ADGRL4: variants seen among roughly 807,000 people sequenced by gnomAD.
ADGRL4 encodes the protein EGF, latrophilin and seven transmembrane domain containing 1.
A neutral mutation model predicts 74.8 loss-of-function variants in ADGRL4; 90 were observed. The ratio of observed to expected loss-of-function variants is 1.20; its 90% CI spans 1.02 to 1.43. ADGRL4 has a LOEUF of 1.43. ADGRL4 is among the 40% of genes most tolerant of loss of function. The pLI is 0.00. For synonymous variants in ADGRL4, 311 were observed against 279.2 expected, an observed-to-expected ratio of 1.11 and a Z score of -1.14; for missense variants, 881 against 814.3, an observed-to-expected ratio of 1.08 and a Z score of -1.00.
chr1:78,975,316 T>C, intron 2 of ADGRL4, among the ~76,000 whole-genome samples: 1 of 152,072 alleles, frequency 6.6e-6, no homozygotes, highest in Non-Finnish European at 1.5e-5. Context: ...AATAATATTA[T>C]AATTAGAATA....
At chr1:78,959,028 G>C (rs1649889623) in intron 2 of ADGRL4, among the ~76,000 whole-genome samples, 1 of 152,134 alleles carries the variant, frequency 6.6e-6, no homozygotes, top group South Asian at 2.1e-4. Flanking sequence ...CAGCAACAAA[G>C]TATTTTAAAT....
chr1:78,975,355 TA>T, intron 2 of ADGRL4, among the ~76,000 whole-genome samples: 1 of 152,112 alleles, frequency 6.6e-6, no homozygotes, highest in East Asian at 1.9e-4. Flanking sequence ...ATCCTATATT[TA>T]AAAAACAAAT....
chr1:78,966,229 G>T (rs572906903), intron 2 of ADGRL4, among the ~76,000 whole-genome samples: 5 of 152,148 alleles, frequency 3.3e-5, no homozygotes, highest in Admixed American at 2.6e-4. Flanking sequence ...TCCTGTTCTG[G>T]GGTGTGGTAC....
chr1:79,004,646 A>G (rs757829533), intron 2 of ADGRL4, among the ~76,000 whole-genome samples: 1 of 152,122 alleles, frequency 6.6e-6, no homozygotes, highest in Non-Finnish European at 1.5e-5. Flanking sequence ...CTCCAAATAT[A>G]GGCGGTCAAG....
At chr1:78,995,472 G>A (rs1412954917) in intron 2 of ADGRL4, among the ~76,000 whole-genome samples, 1 of 152,178 alleles carries the variant, frequency 6.6e-6, no homozygotes, top group African/African-American at 2.4e-5. Flanking sequence ...GTCATAAGTG[G>A]AGACGAGATG....
At chr1:78,927,188 A>G (rs1225111879) in intron 7 of ADGRL4, 97 bp from the exon 8 acceptor site, 13 of 794,686 alleles carry the variant, frequency 1.6e-5, no homozygotes, top group South Asian at 1.8e-5. Flanking sequence ...CAAACATTTT[A>G]CTTTAGAAAT....
At chr1:78,953,571 T>A (rs1015458099) in intron 2 of ADGRL4, among the ~76,000 whole-genome samples, 1 of 152,220 alleles carries the variant, frequency 6.6e-6, no homozygotes, top group Non-Finnish European at 1.5e-5. Context: ...AACCGTTCTC[T>A]GAACAGAATG....
At chr1:78,973,057 A>G (rs550635092) in intron 2 of ADGRL4, among the ~76,000 whole-genome samples, 1 of 152,096 alleles carries the variant, frequency 6.6e-6, no homozygotes, top group Non-Finnish European at 1.5e-5. Context: ...TTTCTCTCAA[A>G]TATCATTTCC....
intron 12 of ADGRL4, among the ~76,000 whole-genome samples, chr1:78,917,314 A>C (rs1248154450): frequency 6.6e-6 from 1 of 151,784 alleles, no homozygotes; most frequent in African/African-American, 2.4e-5. Flanking sequence ...TGTTATGCAG[A>C]CATCTATACT....
At chr1:78,899,620 G>T (rs575609170) in intron 12 of ADGRL4, among the ~76,000 whole-genome samples, 2 of 152,184 alleles carry the variant, frequency 1.3e-5, no homozygotes, top group Non-Finnish European at 2.9e-5. Context: ...CTCCCAAAGT[G>T]CTGGGAATAC....
At position 78,950,898 on chromosome 1, in the gene ADGRL4, T is replaced by C. The variant is rs182145222; in HGVS notation, c.173-4472A>G. On this transcript the variant is annotated intron_variant, in intron 2 of 14. Transcript: ENST00000370742. ...AGGAACATTCTTGCAGGGTAAGATG[T>C]TGAGTCACTTTTGGACATAAAATGT... Among the ~76,000 whole-genome samples, 241 of 152,224 alleles carry C rather than the reference T, an allele frequency of 1.6e-3. 2 individuals are homozygous for C. Among genetic ancestry groups the C allele is most frequent in the African/African-American group, 5.5e-3 (229 of 41,544 alleles).
chr1:78,920,395 A>G lies in ADGRL4; in HGVS notation c.1258-9T>C. Reference sequence around the variant, plus strand: ...TTATAATCTTTAATACCCTAAGGGAAAATAATAATAAAGCAGTTAAAAGAA... The same window carrying G: ...TTATAATCTTTAATACCCTAAGGGAGAATAATAATAAAGCAGTTAAAAGAA... On this transcript the variant is annotated splice_polypyrimidine_tract_variant and intron_variant, in intron 9 of 14. Coordinates refer to ENST00000370742, the MANE Select transcript of ADGRL4 (RefSeq NM_022159.4). 1.3e-6 allele frequency: 2 copies of G among 1,503,242 alleles called. No individual in the cohort carries two copies. Among genetic ancestry groups the G allele is most frequent in the South Asian group, 1.2e-5 (1 of 84,574 alleles). 93.1% of individuals were successfully genotyped at this position (1,503,242 alleles called of 1,614,324 possible). A position where few individuals can be genotyped will look rare whatever the true frequency, so the allele number is the denominator to read the frequency against.
intron 2 of ADGRL4, among the ~76,000 whole-genome samples, chr1:78,950,515 G>C (rs986256342): frequency 6.6e-6 from 1 of 152,000 alleles, no homozygotes; most frequent in Non-Finnish European, 1.5e-5. Flanking sequence ...GAAAACTAAG[G>C]CCCAAGTAAC....
At chr1:78,987,911 A>G (rs1213128205) in intron 2 of ADGRL4, among the ~76,000 whole-genome samples, 1 of 151,772 alleles carries the variant, frequency 6.6e-6, no homozygotes, top group Non-Finnish European at 1.5e-5. Context: ...TTTTTTTAAT[A>G]CATACTAATC....
chr1:78,984,336 T>A (rs1650453337), intron 2 of ADGRL4, among the ~76,000 whole-genome samples: 1 of 151,790 alleles, frequency 6.6e-6, no homozygotes, highest in East Asian at 1.9e-4. Flanking sequence ...TGTAAAAATA[T>A]GGATTATTTT....
chr1:79,004,943 G>T (rs1317148645), intron 2 of ADGRL4, 127 bp downstream of exon 2: 6 of 757,434 alleles, frequency 7.9e-6, no homozygotes, highest in Non-Finnish European at 1.2e-5. Flanking sequence ...CTACTTACGC[G>T]TTTTTTAAAT....
intron 2 of ADGRL4, among the ~76,000 whole-genome samples, chr1:78,992,311 G>A (rs906134741): frequency 1.3e-5 from 2 of 152,026 alleles, no homozygotes; most frequent in African/African-American, 2.4e-5. Context: ...ACACTAATCC[G>A]GATTTCTTGG....
chr1:78,905,677 C>T (rs1362701987), intron 12 of ADGRL4, among the ~76,000 whole-genome samples: 3 of 151,892 alleles, frequency 2.0e-5, no homozygotes, highest in African/African-American at 7.2e-5. Flanking sequence ...AGACTATTTT[C>T]TATTTTATTT....
chr1:78,920,154 C>A (rs774419605), intron 10 of ADGRL4, 29 bp downstream of exon 10: 1 of 1,553,150 alleles, frequency 6.4e-7, no homozygotes, highest in Non-Finnish European at 8.8e-7. Context: ...TATCATAGGA[C>A]AAAAATAGAG....
Sources: gnomAD v4.1 joint callset for allele counts (sites outside exome capture counted in the v4.1 genomes callset) on GRCh38, gnomAD v4.1.1 for gene constraint, MANE v1.5 for transcripts, NCBI Gene and HGNC (gene_info 2026-07-23, HGNC 2026-07-21) for gene names.